The following IGHMBP2 variants were observed in gnomAD, a reference collection of about 807,000 sequenced individuals.
The protein encoded by IGHMBP2 is immunoglobulin mu DNA binding protein 2.
Under a neutral mutation model 96.0 loss-of-function variants are expected in IGHMBP2, and 81 were observed. That is an observed-to-expected ratio of 0.84 (90% CI 0.71 to 1.01). The LOEUF (loss-of-function observed/expected upper bound fraction) is 1.01, where lower values mean the gene tolerates loss of function less well. IGHMBP2 is among the 50% of genes least tolerant of loss of function. IGHMBP2 has a pLI of 0.00. For synonymous variants in IGHMBP2, 557 were observed against 548.9 expected (o/e 1.01, Z -0.21); for missense variants, 1,227 against 1,306.3 (o/e 0.94, Z 0.94).
Position 68,939,599 on chromosome 11 carries a change from C to G in IGHMBP2, c.2850C>G (p.Leu950=). 1 of 1,613,422 alleles carries G rather than the reference C, an allele frequency of 6.2e-7. No individual in the cohort carries two copies. Among genetic ancestry groups the G allele is most frequent in the Non-Finnish European group, 8.5e-7 (1 of 1,180,014 alleles). ...AGAGAATCAGCCGGGAAGGGGTCCT[C>G]TATGCCGGCAGCGGGACCAAGAACG... ...ARQRISREGV[L]YAGSGTKNGS... is the part of the protein sequence containing the mutation. Residue 950 remains leucine, a synonymous_variant, in exon 15 of 15, where the codon CTC becomes CTG. Transcript: ENST00000255078.
At chr11:68,921,302 TTGC>T (rs1334047430) in intron 7 of IGHMBP2, among the ~76,000 whole-genome samples, 1 of 152,228 alleles carries the variant, frequency 6.6e-6, no homozygotes, top group Middle Eastern at 3.2e-3. Context: ...TCTTGCTGTT[TTGC>T]CCAGGCTGGT....
At position 68,929,248 on chromosome 11, in the gene IGHMBP2, G is replaced by A. The variant is rs1178427226; in HGVS notation, c.1126G>A (p.Glu376Lys). 3.7e-6 allele frequency: 6 copies of A among 1,613,904 alleles called. No individual in the cohort carries two copies. Among genetic ancestry groups the A allele is most frequent in the South Asian group, 1.1e-5 (1 of 91,074 alleles). The change falls in exon 8 of 15, where the codon GAG (glutamate) becomes AAG (lysine). Residue 376 changes from glutamate (E) to lysine (K), a missense_variant. Coordinates refer to ENST00000255078, the MANE Select transcript of IGHMBP2 (RefSeq NM_002180.3). ...ESYFDVVVID[E>K]CAQALEASCW... ...CTACTTCGACGTGGTGGTCATTGAC[G>A]AGTGTGCCCAGGCCCTCGAGGCGAG...
chr11:68,908,071 A>G, intron 2 of IGHMBP2, 74 bp from the exon 3 acceptor site: 1 of 1,110,144 alleles, frequency 9.0e-7, no homozygotes, highest in Admixed American at 1.7e-5. Context: ...TTTGAAGTAT[A>G]GTGGATTTTA....
intron 7 of IGHMBP2, among the ~76,000 whole-genome samples, chr11:68,921,311 C>A (rs1858868504): frequency 6.6e-6 from 1 of 152,056 alleles, no homozygotes. Context: ...TTTGCCCAGG[C>A]TGGTCTCGAA....
intron 5 of IGHMBP2, among the ~76,000 whole-genome samples, chr11:68,912,838 G>A (rs1040539279): frequency 1.3e-5 from 2 of 151,670 alleles, no homozygotes; most frequent in East Asian, 1.9e-4. Context: ...TCAGGAGTTC[G>A]AGACCAGCCT....
intron 7 of IGHMBP2, among the ~76,000 whole-genome samples, chr11:68,918,539 G>A (rs1427317997): frequency 6.6e-6 from 1 of 152,100 alleles, no homozygotes; most frequent in Non-Finnish European, 1.5e-5. Context: ...CTACTTGGGA[G>A]GCTGAGGTAG....
intron 8 of IGHMBP2, chr11:68,932,537 A>G (rs1177998180): frequency 1.3e-5 from 2 of 151,838 alleles, no homozygotes; most frequent in Admixed American, 1.3e-4. Flanking sequence ...AACAGTAGCC[A>G]CCTCATGAGG....
chr11:68,939,800 C>T lies in IGHMBP2; in HGVS notation c.*69C>T. ...GCCCAGGGCGCTGGCAGACCATGCT[C>T]CGCCTCCACCAGGGCCACAGAGGAG... On this transcript the variant is annotated 3_prime_UTR_variant, in exon 15 of 15. Coordinates refer to ENST00000255078, the MANE Select transcript of IGHMBP2 (RefSeq NM_002180.3). The T allele has an allele frequency of 6.8e-7, 1 of 1,478,360 alleles. No homozygotes were observed. The highest frequency in any genetic ancestry group is 2.0e-5 in the Admixed American group (1 of 50,174). 91.6% of individuals were successfully genotyped at this position (1,478,360 alleles called of 1,614,324 possible). A position where few individuals can be genotyped will look rare whatever the true frequency, so the allele number is the denominator to read the frequency against.
At chr11:68,904,443 G>C (rs989709161) in intron 1 of IGHMBP2, among the ~76,000 whole-genome samples, 6 of 152,220 alleles carry the variant, frequency 3.9e-5, no homozygotes, top group Admixed American at 3.3e-4. Flanking sequence ...GATCCGGCCA[G>C]CGGCGGGCTG....
intron 7 of IGHMBP2, among the ~76,000 whole-genome samples, chr11:68,924,744 C>G (rs1166507544): frequency 6.6e-6 from 1 of 152,242 alleles, no homozygotes; most frequent in Non-Finnish European, 1.5e-5. Flanking sequence ...CACCTTTCCC[C>G]TGTTCTGTGG....
At chr11:68,933,693 C>A in intron 9 of IGHMBP2, 102 bp from the exon 10 acceptor site, 1 of 1,063,806 alleles carries the variant, frequency 9.4e-7, no homozygotes, top group South Asian at 1.3e-5. Flanking sequence ...TTGTCCTCCC[C>A]TACCTAAGCC....
At chr11:68,918,299 T>C (rs1270257854) in intron 7 of IGHMBP2, among the ~76,000 whole-genome samples, 1 of 150,284 alleles carries the variant, frequency 6.7e-6, no homozygotes, top group East Asian at 1.9e-4. Context: ...GCTGGAGGGT[T>C]TTTTTTTTTA....
chr11:68,935,504 G>C lies in IGHMBP2; in HGVS notation c.1756+82G>C, dbSNP rs564236295. 112 of 1,536,018 alleles carry C rather than the reference G, an allele frequency of 7.3e-5. 3 individuals carry two copies. In the South Asian group the frequency reaches 1.2e-3, roughly 16 times the overall value. ...GAGGGGCATATTGGGTGTCTGCTGGGTGCCACACTGGTTTCTGGCAGTGTG... is the reference window on the plus strand; with the variant it reads ...GAGGGGCATATTGGGTGTCTGCTGGCTGCCACACTGGTTTCTGGCAGTGTG... On this transcript the variant is annotated intron_variant, in intron 12 of 14. Transcript: ENST00000255078.
rs1859624975 is a variant in IGHMBP2 at position 68,938,191 on chromosome 11, C to T, written c.2621C>T (p.Ala874Val). 1.9e-6 allele frequency: 3 copies of T among 1,613,938 alleles called. No homozygotes were observed. Among genetic ancestry groups the T allele is most frequent in the Admixed American group, 1.7e-5 (1 of 60,008 alleles). ...KKKKKAKGHP[A>V]TDLPTEEDFE... ...CGCGGGTCTTCTCCAGGACATCCGG[C>T]CACAGATCTGCCCACGGAGGAGGAC... The change falls in exon 14 of 15, where the codon GCC (alanine) becomes GTC (valine). Residue 874 changes from alanine (A) to valine (V), a missense_variant. Physicochemically the swap from Ala to Val is moderately conservative, Grantham distance 64. This residue lies in a region of IGHMBP2 where 703 missense variants were observed against 770.3 expected (regional missense o/e 0.91). Coordinates refer to ENST00000255078, the MANE Select transcript of IGHMBP2 (RefSeq NM_002180.3).
chr11:68,938,198 T>A lies in IGHMBP2; in HGVS notation c.2628T>A (p.Asp876Glu). 6.2e-7 allele frequency: 1 copy of A among 1,614,082 alleles called. No homozygotes were observed. Among genetic ancestry groups the A allele is most frequent in the African/African-American group, 1.3e-5 (1 of 75,050 alleles). The part of the protein sequence containing the change: ...KKKAKGHPAT[D>E]LPTEEDFEAL... The stretch of plus-strand genomic sequence containing the variant: ...CTTCTCCAGGACATCCGGCCACAGA[T>A]CTGCCCACGGAGGAGGACTTTGAGG... The change falls in exon 14 of 15, where the codon GAT becomes GAA. Residue 876 changes from aspartate to glutamate, a missense_variant. This residue lies in a region of IGHMBP2 where 703 missense variants were observed against 770.3 expected (regional missense o/e 0.91). Transcript: ENST00000255078.
intron 7 of IGHMBP2, among the ~76,000 whole-genome samples, chr11:68,920,350 A>C (rs765509268): frequency 2.5e-4 from 38 of 152,104 alleles, no homozygotes; most frequent in Non-Finnish European, 4.9e-4. Context: ...TCCCACATTG[A>C]CCTCCTGAGT....
intron 1 of IGHMBP2, among the ~76,000 whole-genome samples, chr11:68,905,071 C>G (rs1429436145): frequency 6.6e-6 from 1 of 152,230 alleles, no homozygotes; most frequent in Non-Finnish European, 1.5e-5. Flanking sequence ...GTTGGGATTA[C>G]AGGCGTGAGC....
intron 8 of IGHMBP2, chr11:68,932,928 C>T (rs1218033645): frequency 1.3e-5 from 4 of 317,256 alleles, no homozygotes; most frequent in Non-Finnish European, 2.4e-5. Flanking sequence ...TCTATGAAGC[C>T]AGCCGTGTTA....
chr11:68,933,043 T>A lies in IGHMBP2; in HGVS notation c.1236-256T>A, dbSNP rs1334838729. 4 of 565,398 alleles carry A rather than the reference T, an allele frequency of 7.1e-6. No homozygotes were observed. In the African/African-American group the frequency reaches 7.5e-5, roughly 11 times the overall value. 35.0% of individuals were successfully genotyped at this position (565,398 alleles called of 1,614,324 possible). A position where few individuals can be genotyped will look rare whatever the true frequency, so the allele number is the denominator to read the frequency against. ...TGGGTCATCCAGGGTCGCCTCCCCA[T>A]CCCAGGATCCTTAACTTCATCTCAG... On this transcript the variant is annotated intron_variant, in intron 8 of 14. Coordinates refer to ENST00000255078, the MANE Select transcript of IGHMBP2 (RefSeq NM_002180.3).
Sources: allele counts gnomAD v4.1 joint callset (sites outside exome capture counted in the v4.1 genomes callset), GRCh38; gene constraint gnomAD v4.1.1; regional missense constraint gnomAD v4.1.1; transcripts MANE v1.5; gene names NCBI Gene and HGNC (gene_info 2026-07-23, HGNC 2026-07-21).